TRHDE: variants seen among roughly 807,000 people sequenced by gnomAD.
The protein encoded by TRHDE is thyrotropin-releasing hormone-degrading ectoenzyme.
A neutral mutation model predicts 125.7 loss-of-function variants in TRHDE; 72 were observed. The observed-to-expected ratio is 0.57, with a 90% CI of 0.47 to 0.70. The LOEUF (loss-of-function observed/expected upper bound fraction) is 0.70. Ranked by LOEUF, TRHDE falls within the 30% of genes least tolerant of loss-of-function variation. The pLI is 0.00. For synonymous variants in TRHDE, 509 were observed against 509.1 expected (o/e 1.00, Z 0.00); for missense variants, 1,110 against 1,327.1 (o/e 0.84, Z 2.54).
intron 6 of TRHDE, among the ~76,000 whole-genome samples, chr12:72,533,735 T>C (rs1868698573): frequency 6.6e-6 from 1 of 151,236 alleles, no homozygotes; most frequent in Non-Finnish European, 1.5e-5. Flanking sequence ...TTTTTTTTTT[T>C]TTTGCTTTTA....
upstream of TRHDE, chr12:72,271,829 G>A (rs1291128516): frequency 2.3e-6 from 1 of 439,018 alleles, no homozygotes; most frequent in African/African-American, 2.0e-5. Flanking sequence ...CTACCTGAAG[G>A]GGATGGCCCG....
chr12:72,348,062 C>T (rs1295783105), intron 2 of TRHDE, among the ~76,000 whole-genome samples: 4 of 151,656 alleles, frequency 2.6e-5, no homozygotes, highest in Non-Finnish European at 5.9e-5. Flanking sequence ...TTTTAATTGA[C>T]AATCAAAAAT....
At chr12:72,637,152 A>T (rs1873794935) in intron 15 of TRHDE, among the ~76,000 whole-genome samples, 1 of 152,076 alleles carries the variant, frequency 6.6e-6, no homozygotes, top group South Asian at 2.1e-4. Flanking sequence ...TTTGGTTGGT[A>T]AGCTATTGAT....
intron 12 of TRHDE, among the ~76,000 whole-genome samples, chr12:72,604,281 C>A (rs1055611775): frequency 6.6e-6 from 1 of 152,020 alleles, no homozygotes; most frequent in African/African-American, 2.4e-5. Flanking sequence ...AGATGAAATT[C>A]TCTTTGAAAT....
chr12:72,228,360 C>T (rs1878178659), intron 2 of TRHDE, among the ~76,000 whole-genome samples: 1 of 152,208 alleles, frequency 6.6e-6, no homozygotes, highest in South Asian at 2.1e-4. Context: ...CCCTCTGAAG[C>T]AATGTCTTGG....
chr12:72,433,674 C>T (rs985736140), intron 3 of TRHDE, among the ~76,000 whole-genome samples: 1 of 151,456 alleles, frequency 6.6e-6, no homozygotes, highest in African/African-American at 2.4e-5. Flanking sequence ...ACAAAAGCTA[C>T]CTGATGAAAA....
chr12:72,322,777 C>T (rs1018396666), intron 2 of TRHDE, among the ~76,000 whole-genome samples: 1 of 152,120 alleles, frequency 6.6e-6, no homozygotes, highest in Non-Finnish European at 1.5e-5. Context: ...ACCTCACAAA[C>T]TCAGTGCTAG....
rs548083912 is a variant in TRHDE at position 72,634,862 on chromosome 12, T to C, written c.2675+13111T>C. The stretch of plus-strand genomic sequence containing the variant: ...TTTTTTATGGCTGCATAGTATTCCA[T>C]GGTGTATATGTGCCACATTTTCTTA... On this transcript the variant is annotated intron_variant, in intron 15 of 18. Transcript: ENST00000261180. Among the ~76,000 whole-genome samples, 714 of 152,094 alleles carry C rather than the reference T, an allele frequency of 4.7e-3. 1 individual carries two copies. The highest frequency in any genetic ancestry group is 7.0e-3 in the Non-Finnish European group (473 of 68,002).
intron 2 of TRHDE, among the ~76,000 whole-genome samples, chr12:72,218,954 C>T (rs990880982): frequency 6.6e-6 from 1 of 152,116 alleles, no homozygotes. Flanking sequence ...AACCCCTTAT[C>T]CCTTAGTTTC....
chr12:72,596,957 A>G (rs571542716), intron 12 of TRHDE, among the ~76,000 whole-genome samples: 5 of 152,382 alleles, frequency 3.3e-5, no homozygotes, highest in African/African-American at 7.2e-5. Context: ...ATTTAAAAAC[A>G]TGCTCAGATT....
At chr12:72,295,392 G>A (rs1247243760) in intron 2 of TRHDE, among the ~76,000 whole-genome samples, 2 of 152,134 alleles carry the variant, frequency 1.3e-5, no homozygotes. Flanking sequence ...CACTGCTGCC[G>A]TCACTATGAT....
chr12:72,362,565 T>G (rs915589565), intron 2 of TRHDE, among the ~76,000 whole-genome samples: 1 of 151,118 alleles, frequency 6.6e-6, no homozygotes, highest in South Asian at 2.1e-4. Flanking sequence ...CTCTTTAGTT[T>G]AATTAGATCC....
intron 2 of TRHDE, among the ~76,000 whole-genome samples, chr12:72,164,452 G>A (rs1044694574): frequency 6.6e-6 from 1 of 152,176 alleles, no homozygotes; most frequent in African/African-American, 2.4e-5. Flanking sequence ...AATGAGACAT[G>A]GGGTTTTAAT....
chr12:72,491,392 G>A (rs2135926591), intron 5 of TRHDE, among the ~76,000 whole-genome samples: 1 of 152,010 alleles, frequency 6.6e-6, no homozygotes, highest in Middle Eastern at 3.4e-3. Context: ...TAATGAAAAT[G>A]TGAGTGACTG....
intron 4 of TRHDE, among the ~76,000 whole-genome samples, 153 bp downstream of exon 4, chr12:72,470,065 T>C (rs774384870): frequency 3.3e-5 from 5 of 152,170 alleles, no homozygotes; most frequent in Non-Finnish European, 7.3e-5. Context: ...ATGTCATTTT[T>C]CTCCAATCAT....
intron 5 of TRHDE, among the ~76,000 whole-genome samples, chr12:72,475,718 G>T (rs528311607): frequency 1.3e-5 from 2 of 152,162 alleles, no homozygotes; most frequent in Admixed American, 1.3e-4. Flanking sequence ...AAACCTTGAG[G>T]TGAGTCAGAT....
Position 72,091,878 on chromosome 12 carries a change from C to G in TRHDE, n.174+4439C>G, listed in dbSNP as rs148104151. Among the ~76,000 whole-genome samples the G allele has an allele frequency of 1.0e-3, 153 of 152,314 alleles. 4 individuals are homozygous for G. The East Asian group carries it at 0.017, about 17-fold the overall frequency. ...AGTTACCTCCTCCTCCTTGATCTTG[C>G]TACCCAATAAATACAAAGGGCTGTA... is the stretch of plus-strand genomic sequence containing the variant. On this transcript the variant is annotated intron_variant and non_coding_transcript_variant, in intron 1 of 4. Coordinates refer to the TRHDE transcript ENST00000548156.
chr12:72,114,228 C>T (rs140649968), intron 2 of TRHDE, among the ~76,000 whole-genome samples: 13 of 150,502 alleles, frequency 8.6e-5, no homozygotes, highest in East Asian at 7.8e-4. Flanking sequence ...AAATATTTCA[C>T]GGGCACCTCA....
At chr12:72,463,346 G>A (rs959453797) in intron 3 of TRHDE, among the ~76,000 whole-genome samples, 1 of 152,172 alleles carries the variant, frequency 6.6e-6, no homozygotes, top group African/African-American at 2.4e-5. Context: ...ATAGACTTAT[G>A]AATCTCAAAT....
Sources: gnomAD v4.1 joint callset for allele counts (sites outside exome capture counted in the v4.1 genomes callset) on GRCh38, gnomAD v4.1.1 for gene constraint, MANE v1.5 for transcripts, NCBI Gene and HGNC (gene_info 2026-07-23, HGNC 2026-07-21) for gene names.